The following PAK5 variants were observed in gnomAD, a reference collection of about 807,000 sequenced individuals.
PAK5 encodes the protein p21 (RAC1) activated kinase 5, also known as serine/threonine-protein kinase PAK 5.
PAK5 carries 16 observed loss-of-function variants against 65.9 expected under a neutral mutation model. The observed-to-expected ratio is 0.24, with a 90% CI of 0.16 to 0.37. The LOEUF is 0.37. PAK5 is among the 10% of genes least tolerant of loss of function. The probability of loss-of-function intolerance (pLI) is 1.00; values close to 1 mark genes in which losing one functional copy is unlikely to be tolerated. For missense variants in PAK5, 785 were observed against 903.9 expected, an observed-to-expected ratio of 0.87 and a Z score of 1.69; for synonymous variants, 371 against 354.9, an observed-to-expected ratio of 1.05 and a Z score of -0.51.
intron 1 of PAK5, among the ~76,000 whole-genome samples, chr20:9,789,615 G>A (rs2049028301): frequency 1.3e-5 from 2 of 152,052 alleles, no homozygotes; most frequent in South Asian, 4.1e-4. Flanking sequence ...GACCAGGAAG[G>A]GTCCACAACA....
chr20:9,619,292 GA>G (rs2046727689), intron 3 of PAK5, among the ~76,000 whole-genome samples: 1 of 152,076 alleles, frequency 6.6e-6, no homozygotes, highest in Non-Finnish European at 1.5e-5. Context: ...AAGTTTGGAA[GA>G]AAAAAGCCAT....
chr20:9,730,858 A>T (rs1310674164), intron 1 of PAK5, among the ~76,000 whole-genome samples: 1 of 152,238 alleles, frequency 6.6e-6, no homozygotes. Flanking sequence ...CTAATGAAAA[A>T]TGACTGGGAT....
At chr20:9,768,588 G>T (rs752355274) in intron 1 of PAK5, among the ~76,000 whole-genome samples, 1 of 152,044 alleles carries the variant, frequency 6.6e-6, no homozygotes, top group Non-Finnish European at 1.5e-5. Context: ...TTCTCAACCA[G>T]CCTGGCCAAC....
intron 3 of PAK5, among the ~76,000 whole-genome samples, chr20:9,605,019 G>T (rs561998737): frequency 2.4e-4 from 36 of 152,326 alleles, no homozygotes; most frequent in Non-Finnish European, 4.9e-4. Context: ...TTTGTGAGGA[G>T]ATTCCAGAAA....
intron 3 of PAK5, among the ~76,000 whole-genome samples, chr20:9,603,934 T>C (rs2046404938): frequency 6.6e-6 from 1 of 152,218 alleles, no homozygotes; most frequent in Non-Finnish European, 1.5e-5. Flanking sequence ...AAAAAAGCTT[T>C]ACTTCCTGAC....
At chr20:9,662,160 G>A (rs1210359683) in intron 2 of PAK5, among the ~76,000 whole-genome samples, 2 of 152,138 alleles carry the variant, frequency 1.3e-5, no homozygotes, top group Non-Finnish European at 2.9e-5. Flanking sequence ...GCAAAATATT[G>A]TCAGTGCTAT....
intron 1 of PAK5, among the ~76,000 whole-genome samples, chr20:9,831,460 T>A (rs1978706874): frequency 6.6e-6 from 1 of 152,244 alleles, no homozygotes; most frequent in African/African-American, 2.4e-5. Flanking sequence ...ACTGCTTATT[T>A]GTAAAATAGT....
chr20:9,615,615 C>T (rs1160324037), intron 3 of PAK5, among the ~76,000 whole-genome samples: 1 of 152,204 alleles, frequency 6.6e-6, no homozygotes, highest in Non-Finnish European at 1.5e-5. Flanking sequence ...AAAACTATAA[C>T]AAAAACCACC....
At chr20:9,782,063 C>T (rs1427994774) in intron 1 of PAK5, among the ~76,000 whole-genome samples, 3 of 152,034 alleles carry the variant, frequency 2.0e-5, no homozygotes, top group African/African-American at 4.8e-5. Flanking sequence ...CTACTCCCCA[C>T]CTCCCTTTCT....
chr20:9,612,139 C>T (rs1037884401), intron 3 of PAK5, among the ~76,000 whole-genome samples: 1 of 152,140 alleles, frequency 6.6e-6, no homozygotes, highest in Non-Finnish European at 1.5e-5. Flanking sequence ...GAGCAGACAG[C>T]AGACCCCCAA....
At chr20:9,694,508 G>A (rs1005071523) in intron 2 of PAK5, among the ~76,000 whole-genome samples, 1 of 152,054 alleles carries the variant, frequency 6.6e-6, no homozygotes, top group Non-Finnish European at 1.5e-5. Context: ...TGAAACCACA[G>A]TGCAGTCCAA....
At chr20:9,775,043 T>C (rs575519782) in intron 1 of PAK5, among the ~76,000 whole-genome samples, 1 of 152,286 alleles carries the variant, frequency 6.6e-6, no homozygotes, top group South Asian at 2.1e-4. Context: ...CAGTATGTAC[T>C]TTCTAGAAGA....
chr20:9,643,765 G>A (rs1176164078), intron 3 of PAK5, among the ~76,000 whole-genome samples: 2 of 152,106 alleles, frequency 1.3e-5, no homozygotes, highest in Non-Finnish European at 2.9e-5. Flanking sequence ...ACAACAAAAG[G>A]TGGTCTAATG....
At position 9,539,486 on chromosome 20, in the gene PAK5, G is replaced by A. The variant is rs6039495; in HGVS notation, c.2136C>T (p.Leu712=). The A allele has an allele frequency of 0.031, 50,299 of 1,613,916 alleles. 939 individuals carry two copies. Among genetic ancestry groups the A allele is most frequent in the African/African-American group, 0.062 (4,641 of 74,994 alleles). The change falls in exon 10 of 10, where the codon CTC becomes CTT. Residue 712 remains leucine (L), a synonymous_variant. Coordinates refer to ENST00000353224, the MANE Select transcript of PAK5 (RefSeq NM_177990.4). ...LAGPPSCIVP[L]MRQYRHH Reference sequence around the variant, plus strand: ...CTCAGTGATGCCTGTATTGTCTCATGAGGGGGACGATGCAAGACGGTGGAC... The same window carrying A: ...CTCAGTGATGCCTGTATTGTCTCATAAGGGGGACGATGCAAGACGGTGGAC...
chr20:9,699,883 T>C (rs771245626), intron 2 of PAK5, among the ~76,000 whole-genome samples: 4 of 152,268 alleles, frequency 2.6e-5, no homozygotes, highest in South Asian at 4.2e-4. Flanking sequence ...CTCATGCCTA[T>C]GGCAAATGGG....
At chr20:9,549,387 T>G (rs572598368) in intron 7 of PAK5, among the ~76,000 whole-genome samples, 1 of 152,116 alleles carries the variant, frequency 6.6e-6, no homozygotes, top group South Asian at 2.1e-4. Context: ...GGAACCTAGA[T>G]AGAAAGTCAA....
chr20:9,721,422 C>T lies in PAK5; in HGVS notation c.-161-9987G>A, dbSNP rs1377005198. Among the ~76,000 whole-genome samples the T allele has an allele frequency of 3.3e-5, 5 of 151,704 alleles. No individual in the cohort carries two copies. The South Asian group carries it at 6.3e-4, about 19-fold the overall frequency. On this transcript the variant is annotated intron_variant, in intron 1 of 9. Transcript: ENST00000353224. ...CAGCACTTTGGTAGGCCGAGGTGGG[C>T]GGATCAGCTGAGGTCAGGAGTTTGA...
At chr20:9,701,969 C>T (rs2047945186) in intron 2 of PAK5, among the ~76,000 whole-genome samples, 1 of 152,092 alleles carries the variant, frequency 6.6e-6, no homozygotes, top group Non-Finnish European at 1.5e-5. Flanking sequence ...CACTGCACTC[C>T]AGCCTGCACA....
At chr20:9,833,098 C>T (rs570920285) in intron 1 of PAK5, among the ~76,000 whole-genome samples, 37 of 152,206 alleles carry the variant, frequency 2.4e-4, no homozygotes, top group African/African-American at 8.7e-4. Flanking sequence ...CTTTGTTTTC[C>T]ACCTTGCATA....
Sources: gnomAD v4.1 joint callset for allele counts (sites outside exome capture counted in the v4.1 genomes callset) on GRCh38, gnomAD v4.1.1 for gene constraint, MANE v1.5 for transcripts, NCBI Gene and HGNC (gene_info 2026-07-23, HGNC 2026-07-21) for gene names.